Variants in CDH7 observed in about 807,000 individuals in gnomAD.
CDH7 encodes cadherin 7, also known as cadherin-7.
A neutral mutation model predicts 71.8 loss-of-function variants in CDH7; 25 were observed. The observed-to-expected ratio is 0.35, with a 90% CI of 0.25 to 0.49. CDH7 has a LOEUF of 0.49. Among genes scored for constraint, CDH7 ranks in the 20% least tolerant of loss-of-function variants. CDH7 has a pLI of 0.99. For synonymous variants in CDH7, 381 were observed against 363.8 expected, an observed-to-expected ratio of 1.05 and a Z score of -0.54; for missense variants, 862 against 974.6, an observed-to-expected ratio of 0.88 and a Z score of 1.54.
rs17711596 is a variant in CDH7 at position 65,862,904 on chromosome 18, C to T, written c.1851C>T (p.Val617=). The change falls in exon 11 of 12, where the codon GTC becomes GTT. Residue 617 remains valine (V), a synonymous_variant. Coordinates refer to ENST00000397968, the MANE Select transcript of CDH7 (RefSeq NM_004361.5). ...CCCTGATAGCCATACTCGCCTGTGT[C>T]TTGACATTATTGGGTAGGTACTGTT... is the stretch of plus-strand genomic sequence containing the variant. ...TGALIAILAC[V]LTLLVLILLI... The T allele has an allele frequency of 0.052, 84,128 of 1,613,866 alleles. 2,656 individuals carry two copies. Among genetic ancestry groups the T allele is most frequent in the Admixed American group, 0.12 (6,911 of 60,008 alleles).
intron 2 of CDH7, among the ~76,000 whole-genome samples, chr18:65,801,105 G>A (rs1015321512): frequency 2.6e-5 from 4 of 152,158 alleles, no homozygotes; most frequent in South Asian, 2.1e-4. Context: ...AGCTCATGAA[G>A]GCGGGGGTTA....
At chr18:65,872,122 C>T (rs11151221) in intron 11 of CDH7, among the ~76,000 whole-genome samples, 81,996 of 152,036 alleles carry the variant, frequency 0.54, 25,831 homozygotes, top group East Asian at 0.92. Context: ...CTGCAAGCAG[C>T]TGCATTGTTT....
chr18:65,856,144 T>C (rs1913348001), intron 7 of CDH7, among the ~76,000 whole-genome samples: 1 of 152,100 alleles, frequency 6.6e-6, no homozygotes, highest in South Asian at 2.1e-4. Context: ...AACTGGATCT[T>C]CCAATCCCAG....
intron 1 of CDH7, among the ~76,000 whole-genome samples, chr18:65,761,547 A>AT (rs1916192842): frequency 6.6e-6 from 1 of 151,934 alleles, no homozygotes; most frequent in South Asian, 2.1e-4. Flanking sequence ...AAAAAAAAAA[A>AT]AAAACAGAAA....
In CDH7 at chr18:65,781,828, T is replaced by TTC. The variant is rs1568181526; in HGVS notation, c.210+18778_210+18779dup. ...CTTCCTTCCTTCCTTCCTTCTTTCT[T>TTC]TCTTTCTTTCTTTCTTTCTTTCTTT... On this transcript the variant is annotated intron_variant, in intron 2 of 11. Transcript: ENST00000397968. Among the ~76,000 whole-genome samples, 22 of 80,820 alleles carry TTC rather than the reference T, an allele frequency of 2.7e-4. 1 individual carries two copies. The highest frequency in any genetic ancestry group is 9.0e-4 in the South Asian group (2 of 2,226). 53.0% of individuals were successfully genotyped at this position (80,820 alleles called of 152,430 possible).
chr18:65,777,705 A>T (rs1478551779), intron 2 of CDH7, among the ~76,000 whole-genome samples: 3 of 152,128 alleles, frequency 2.0e-5, no homozygotes, highest in Non-Finnish European at 2.9e-5. Context: ...ACCAAATTAT[A>T]ACTATTATGT....
chr18:65,790,345 G>A (rs1331284398), intron 2 of CDH7, among the ~76,000 whole-genome samples: 1 of 151,878 alleles, frequency 6.6e-6, no homozygotes, highest in Non-Finnish European at 1.5e-5. Flanking sequence ...CTAGTTGATG[G>A]TGAAGCATGC....
intron 6 of CDH7, among the ~76,000 whole-genome samples, chr18:65,841,635 G>T (rs1912737266): frequency 6.6e-6 from 1 of 152,148 alleles, no homozygotes; most frequent in South Asian, 2.1e-4. Context: ...TGCTTCAAGT[G>T]TCCCCAACAT....
At chr18:65,878,813 T>C (rs899771069) in intron 11 of CDH7, among the ~76,000 whole-genome samples, 1 of 152,068 alleles carries the variant, frequency 6.6e-6, no homozygotes, top group Admixed American at 6.6e-5. Flanking sequence ...CAATGCAGCA[T>C]GAGAAGGTGG....
chr18:65,816,223 C>T (rs781421812), intron 4 of CDH7, among the ~76,000 whole-genome samples: 2 of 151,760 alleles, frequency 1.3e-5, no homozygotes, highest in South Asian at 2.1e-4. Flanking sequence ...TTATGGTAAT[C>T]GCTGGAACTT....
chr18:65,773,511 A>G (rs1310470085), intron 2 of CDH7, among the ~76,000 whole-genome samples: 2 of 152,116 alleles, frequency 1.3e-5, no homozygotes, highest in African/African-American at 2.4e-5. Flanking sequence ...TGTCTTGAAA[A>G]TACACATTTC....
At chr18:65,824,996 C>A (rs997831021) in intron 6 of CDH7, among the ~76,000 whole-genome samples, 165 bp downstream of exon 6, 9 of 151,788 alleles carry the variant, frequency 5.9e-5, no homozygotes, top group African/African-American at 2.2e-4. Flanking sequence ...TCTTAGGGAA[C>A]CTTGAGTTAC....
chr18:65,847,241 T>A (rs976882454), intron 7 of CDH7, among the ~76,000 whole-genome samples: 3 of 152,192 alleles, frequency 2.0e-5, no homozygotes, highest in African/African-American at 7.2e-5. Flanking sequence ...TGAGGAGTCT[T>A]AACAATTGTG....
Position 65,822,180 on chromosome 18 carries a change from T to A in CDH7, c.725T>A (p.Leu242Gln). The A allele has an allele frequency of 6.2e-7, 1 of 1,613,400 alleles. No homozygotes were observed. Reference protein sequence around the residue: ...AKDMVGQNGGLSGTTSVTVTL... With the variant: ...AKDMVGQNGGQSGTTSVTVTL... ...GATATGGTTGGTCAAAATGGAGGAC[T>A]GTCAGGAACTACATCAGTCACTGTG... The change falls in exon 5 of 12, where the codon CTG becomes CAG. Residue 242 changes from leucine (L) to glutamine (Q), a missense_variant. Physicochemically the swap from Leu to Gln is moderately radical, Grantham distance 113. Coordinates refer to ENST00000397968, the MANE Select transcript of CDH7 (RefSeq NM_004361.5).
intron 1 of CDH7, among the ~76,000 whole-genome samples, chr18:65,752,150 G>C (rs1915900197): frequency 6.6e-6 from 1 of 152,162 alleles, no homozygotes; most frequent in Non-Finnish European, 1.5e-5. Flanking sequence ...CGTAAGACTT[G>C]TCCTCATAAT....
chr18:65,879,391 T>C (rs1186407530), intron 11 of CDH7, among the ~76,000 whole-genome samples: 2 of 152,180 alleles, frequency 1.3e-5, no homozygotes, highest in Non-Finnish European at 2.9e-5. Context: ...GCTGATGCAA[T>C]ATAAATTGTT....
Position 65,770,411 on chromosome 18 carries a change from C to G in CDH7, c.210+7359C>G, listed in dbSNP as rs1172968493. Among the ~76,000 whole-genome samples, 5 of 152,202 alleles carry G rather than the reference C, an allele frequency of 3.3e-5. No homozygotes were observed. The East Asian group carries it at 5.8e-4, about 18-fold the overall frequency. On this transcript the variant is annotated intron_variant, in intron 2 of 11. Transcript: ENST00000397968. ...TGAAACATTGTTTTGGAATAATAAACACTTAGAATCCTATAAGTTAAAGAA... is the reference window on the plus strand; with the variant it reads ...TGAAACATTGTTTTGGAATAATAAAGACTTAGAATCCTATAAGTTAAAGAA...
At chr18:65,837,367 T>G (rs1034587792) in intron 6 of CDH7, among the ~76,000 whole-genome samples, 3 of 152,172 alleles carry the variant, frequency 2.0e-5, no homozygotes, top group Non-Finnish European at 2.9e-5. Flanking sequence ...CAGTTGTGTT[T>G]GATGATTGGC....
intron 7 of CDH7, among the ~76,000 whole-genome samples, chr18:65,849,577 T>A (rs568434133): frequency 6.6e-6 from 1 of 151,878 alleles, no homozygotes; most frequent in African/African-American, 2.4e-5. Context: ...CACACCTGGC[T>A]AATTTTTGTA....
Sources: gnomAD v4.1 joint callset for allele counts (sites outside exome capture counted in the v4.1 genomes callset) on GRCh38, gnomAD v4.1.1 for gene constraint, MANE v1.5 for transcripts, NCBI Gene and HGNC (gene_info 2026-07-23, HGNC 2026-07-21) for gene names.